The following PDE4D variants were observed in gnomAD, a reference collection of about 807,000 sequenced individuals.
PDE4D encodes 3',5'-cyclic-AMP phosphodiesterase 4D.
In PDE4D, 24 loss-of-function variants were observed where a neutral mutation model predicts 87.4. The ratio of observed to expected loss-of-function variants is 0.27; its 90% CI spans 0.20 to 0.39. The LOEUF (loss-of-function observed/expected upper bound fraction) is 0.39. Ranked by LOEUF, PDE4D falls within the 10% of genes least tolerant of loss-of-function variation. PDE4D has a pLI of 1.00. For missense variants in PDE4D, 714 were observed against 1,041.0 expected, an observed-to-expected ratio of 0.69 and a Z score of 4.32; for synonymous variants, 384 against 383.2, an observed-to-expected ratio of 1.00 and a Z score of -0.02.
intron 2 of PDE4D, among the ~76,000 whole-genome samples, chr5:59,199,029 C>G (rs895894331): frequency 6.6e-6 from 1 of 152,164 alleles, no homozygotes; most frequent in African/African-American, 2.4e-5. Context: ...CAATCTTTAT[C>G]TGTTTTACTA....
intron 3 of PDE4D, among the ~76,000 whole-genome samples, chr5:59,186,058 T>G (rs1458139443): frequency 6.6e-6 from 1 of 152,176 alleles, no homozygotes; most frequent in African/African-American, 2.4e-5. Flanking sequence ...CCTTATCTCC[T>G]TCTTCCCTCC....
Position 58,974,997 on chromosome 5 carries a change from G to T in PDE4D, c.2097C>A (p.Asp699Glu). ...ACCATTCACGATTGTCCTCCAAAGTGTCCAAAATATCCTGGGCGTCAGGGT... is the reference window on the plus strand; with the variant it reads ...ACCATTCACGATTGTCCTCCAAAGTTTCCAAAATATCCTGGGCGTCAGGGT... Reference protein sequence around the residue: ...LVHPDAQDILDTLEDNREWYQ... With the variant: ...LVHPDAQDILETLEDNREWYQ... Residue 699 changes from aspartate to glutamate, a missense_variant, in exon 15 of 15, where the codon GAC (aspartate) becomes GAA (glutamate). By Grantham distance (45) the Asp-to-Glu change is conservative. This residue lies in a region of PDE4D where 97 missense variants were observed against 176.9 expected (regional missense o/e 0.55). Coordinates refer to ENST00000340635, the MANE Select transcript of PDE4D (RefSeq NM_001104631.2). The T allele has an allele frequency of 2.5e-6, 4 of 1,610,264 alleles. No homozygotes were observed. The highest frequency in any genetic ancestry group is 3.4e-6 in the Non-Finnish European group (4 of 1,177,204).
chr5:59,961,836 G>A (rs911001739), intron 3 of PDE4D, among the ~76,000 whole-genome samples: 2 of 152,144 alleles, frequency 1.3e-5, no homozygotes, highest in African/African-American at 4.8e-5. Context: ...AAGCTGCAGG[G>A]CTCTCTGCTT....
intron 6 of PDE4D, chr5:58,999,660 A>G (rs1750069813): frequency 8.8e-7 from 1 of 1,130,076 alleles, no homozygotes; most frequent in African/African-American, 1.6e-5. Flanking sequence ...GAGTTTTTAA[A>G]GATTTTTGGT....
At chr5:60,349,926 C>T (rs1358431779) in intron 1 of PDE4D, among the ~76,000 whole-genome samples, 2 of 151,968 alleles carry the variant, frequency 1.3e-5, no homozygotes, top group East Asian at 1.9e-4. Flanking sequence ...AATGTAATGC[C>T]CACTTCATGA....
At chr5:60,337,796 C>A (rs1757946153) in intron 1 of PDE4D, among the ~76,000 whole-genome samples, 1 of 151,938 alleles carries the variant, frequency 6.6e-6, no homozygotes, top group African/African-American at 2.4e-5. Flanking sequence ...TCTCTCCCTG[C>A]AAACAGATTT....
intron 1 of PDE4D, among the ~76,000 whole-genome samples, chr5:60,193,465 T>A (rs1037437322): frequency 1.3e-5 from 2 of 151,514 alleles, no homozygotes; most frequent in Non-Finnish European, 2.9e-5. Context: ...GGTCAGGAGA[T>A]CGAGACCATC....
At chr5:59,164,843 TA>T (rs1358053762) in intron 5 of PDE4D, 8 of 152,036 alleles carry the variant, frequency 5.3e-5, no homozygotes, top group Admixed American at 5.2e-4. Flanking sequence ...ATAATCTGAA[TA>T]GGGGTTGGGC....
intron 1 of PDE4D, among the ~76,000 whole-genome samples, chr5:59,655,624 T>C (rs1177134940): frequency 6.6e-6 from 1 of 152,170 alleles, no homozygotes; most frequent in Non-Finnish European, 1.5e-5. Context: ...TTTTGTTTTA[T>C]TTTAGGCTTT....
chr5:60,131,020 T>C (rs1315880248), intron 2 of PDE4D, among the ~76,000 whole-genome samples: 1 of 152,194 alleles, frequency 6.6e-6, no homozygotes, highest in Non-Finnish European at 1.5e-5. Flanking sequence ...CTGATTCCTA[T>C]GTCAGAATTA....
chr5:60,290,024 T>TG (rs1312570417), intron 1 of PDE4D, among the ~76,000 whole-genome samples: 1 of 152,214 alleles, frequency 6.6e-6, no homozygotes, highest in Non-Finnish European at 1.5e-5. Flanking sequence ...ACTTTCTAGA[T>TG]ATGTCAAGAT....
chr5:59,909,087 T>A (rs777605767), intron 3 of PDE4D, among the ~76,000 whole-genome samples: 1 of 152,186 alleles, frequency 6.6e-6, no homozygotes, highest in Admixed American at 6.5e-5. Context: ...TTTAAAACTA[T>A]TTCTTCCCTT....
Position 59,510,400 on chromosome 5 carries a change from AC to A in PDE4D, c.456-294433del, listed in dbSNP as rs1454015955. On this transcript the variant is annotated intron_variant, in intron 1 of 14. Coordinates refer to ENST00000340635, the MANE Select transcript of PDE4D (RefSeq NM_001104631.2). ...AAAATACAGTAATAGAAATTCAAAA[AC>A]AAACATGAATATACTAATTAAGTAG... is the stretch of plus-strand genomic sequence containing the variant. Among the ~76,000 whole-genome samples, 3 of 151,714 alleles carry A rather than the reference AC, an allele frequency of 2.0e-5. No individual in the cohort carries two copies. In the East Asian group the frequency reaches 5.8e-4, roughly 29 times the overall value.
At chr5:59,960,138 A>G (rs763458962) in intron 3 of PDE4D, among the ~76,000 whole-genome samples, 18 of 152,184 alleles carry the variant, frequency 1.2e-4, no homozygotes, top group Non-Finnish European at 2.5e-4. Flanking sequence ...AATCAAAACC[A>G]CAAGGAGATA....
intron 1 of PDE4D, among the ~76,000 whole-genome samples, chr5:59,358,601 G>T (rs540169751): frequency 6.6e-6 from 1 of 152,228 alleles, no homozygotes; most frequent in African/African-American, 2.4e-5. Flanking sequence ...AGTTAGCACT[G>T]AGCTGAACAA....
At chr5:59,580,140 G>T (rs1307482792) in intron 1 of PDE4D, among the ~76,000 whole-genome samples, 3 of 152,156 alleles carry the variant, frequency 2.0e-5, no homozygotes, top group Non-Finnish European at 4.4e-5. Flanking sequence ...AGAGTGCTAA[G>T]TCATCTGCCA....
intron 1 of PDE4D, among the ~76,000 whole-genome samples, chr5:59,325,336 T>C (rs528825578): frequency 6.6e-6 from 1 of 152,290 alleles, no homozygotes; most frequent in South Asian, 2.1e-4. Flanking sequence ...TGTGGAAACA[T>C]TGAACAATGC....
intron 1 of PDE4D, among the ~76,000 whole-genome samples, chr5:59,597,167 A>G (rs1048805445): frequency 2.6e-5 from 4 of 152,126 alleles, no homozygotes; most frequent in African/African-American, 9.7e-5. Flanking sequence ...CAACATTGTG[A>G]TGAGTCATCA....
intron 5 of PDE4D, among the ~76,000 whole-genome samples, chr5:59,149,686 C>T (rs1363241457): frequency 7.3e-6 from 1 of 136,484 alleles, no homozygotes; most frequent in East Asian, 2.2e-4. Context: ...GTAACTTTGC[C>T]TTTCTCCCTC....
Sources: gnomAD v4.1 joint callset for allele counts (sites outside exome capture counted in the v4.1 genomes callset) on GRCh38, gnomAD v4.1.1 for gene constraint, gnomAD v4.1.1 regional missense constraint, MANE v1.5 for transcripts, NCBI Gene and HGNC (gene_info 2026-07-23, HGNC 2026-07-21) for gene names.